The following LRP2 variants were observed in gnomAD, a reference collection of about 807,000 sequenced individuals.
LRP2 encodes the protein LDL receptor related protein 2.
In LRP2, 172 loss-of-function variants were observed where a neutral mutation model predicts 531.0. That is an observed-to-expected ratio of 0.32 (90% CI 0.29 to 0.37). The LOEUF (loss-of-function observed/expected upper bound fraction) is 0.37, where lower values mean the gene tolerates loss of function less well. Among genes scored for constraint, LRP2 ranks in the 10% least tolerant of loss-of-function variants. LRP2 has a pLI of 1.00. For synonymous variants in LRP2, 1,992 were observed against 2,027.6 expected, an observed-to-expected ratio of 0.98 and a Z score of 0.47; for missense variants, 5,167 against 5,868.3, an observed-to-expected ratio of 0.88 and a Z score of 3.90.
intron 63 of LRP2, among the ~76,000 whole-genome samples, chr2:169,158,993 G>C (rs1044051617): frequency 1.6e-4 from 24 of 151,996 alleles, no homozygotes; most frequent in Non-Finnish European, 4.4e-5. Context: ...CCAAGATCTT[G>C]TCTCTACCAA....
intron 68 of LRP2, among the ~76,000 whole-genome samples, chr2:169,147,755 G>T (rs1685969766): frequency 6.6e-6 from 1 of 152,206 alleles, no homozygotes; most frequent in Admixed American, 6.5e-5. Flanking sequence ...GAACAGGTAT[G>T]TAAGATGAAT....
chr2:169,333,720 T>C (rs557823422), intron 1 of LRP2, among the ~76,000 whole-genome samples: 15 of 152,184 alleles, frequency 9.9e-5, no homozygotes, highest in Non-Finnish European at 1.5e-4. Flanking sequence ...CATGGTAGAA[T>C]GACCTTAAAT....
intron 22 of LRP2, among the ~76,000 whole-genome samples, chr2:169,244,404 G>A (rs1689925343): frequency 6.6e-6 from 1 of 152,116 alleles, no homozygotes; most frequent in Non-Finnish European, 1.5e-5. Flanking sequence ...GATAGCTGAG[G>A]GATTTTCACT....
chr2:169,154,623 T>C lies in LRP2; in HGVS notation c.12152-20A>G, dbSNP rs763833921. ...AGCTACCTGTAAACAAACAAAGGGC[T>C]ACTTTATCTGTTTGAATTATACTTT... On this transcript the variant is annotated intron_variant, in intron 65 of 78. Transcript: ENST00000649046. 3 of 1,611,680 alleles carry C rather than the reference T, an allele frequency of 1.9e-6. No homozygotes were observed. The highest frequency in any genetic ancestry group is 2.2e-5 in the South Asian group (2 of 91,036).
At chr2:169,129,841 C>G (rs1396781683) in intron 77 of LRP2, among the ~76,000 whole-genome samples, 1 of 152,182 alleles carries the variant, frequency 6.6e-6, no homozygotes, top group Non-Finnish European at 1.5e-5. Context: ...TGAAAAGTTG[C>G]CTGTCATGCT....
intron 36 of LRP2, 91 bp downstream of exon 36, chr2:169,213,566 G>A: frequency 9.7e-7 from 1 of 1,032,658 alleles, no homozygotes; most frequent in African/African-American, 1.6e-5. Context: ...GTATGTACGT[G>A]AAACTGTGTG....
chr2:169,211,721 T>C (rs1256160849), intron 37 of LRP2, among the ~76,000 whole-genome samples: 1 of 152,174 alleles, frequency 6.6e-6, no homozygotes, highest in Non-Finnish European at 1.5e-5. Flanking sequence ...TCTCTGGCCC[T>C]ACCCTAGACT....
rs149906123 is a variant in LRP2, at chr2:169,209,554, G to A, written c.6368C>T (p.Ala2123Val). The A allele has an allele frequency of 7.4e-6, 12 of 1,613,798 alleles. No homozygotes were observed. The highest frequency in any genetic ancestry group is 2.7e-5 in the African/African-American group (2 of 74,858). ...TCCATCTGGTTTAATTCTACGGATCGCATTATCAGATGCCACTGAGCTGCT... is the reference window on the plus strand; with the variant it reads ...TCCATCTGGTTTAATTCTACGGATCACATTATCAGATGCCACTGAGCTGCT... ...DFSSSVASDN[A>V]IRRIKPDGSS... Residue 2123 changes from alanine (A) to valine (V), a missense_variant, in exon 38 of 79, where the codon GCG (alanine) becomes GTG (valine). Ala to Val is a moderately conservative substitution (Grantham distance 64). Coordinates refer to ENST00000649046, the MANE Select transcript of LRP2 (RefSeq NM_004525.3).
intron 58 of LRP2, among the ~76,000 whole-genome samples, chr2:169,171,440 C>T (rs1419162922): frequency 6.6e-6 from 1 of 152,168 alleles, no homozygotes; most frequent in Non-Finnish European, 1.5e-5. Flanking sequence ...TTTCCTCAAC[C>T]TCCCTATCCA....
intron 7 of LRP2, among the ~76,000 whole-genome samples, chr2:169,291,539 C>T (rs1012098623): frequency 6.6e-6 from 1 of 152,178 alleles, no homozygotes; most frequent in African/African-American, 2.4e-5. Flanking sequence ...AGGTAACTTG[C>T]TGTAGGGTAT....
intron 28 of LRP2, among the ~76,000 whole-genome samples, chr2:169,236,786 A>G (rs12987817): frequency 0.087 from 13,273 of 152,276 alleles, 613 homozygotes; most frequent in Middle Eastern, 0.12. Context: ...TGGCCCCTCT[A>G]TGGACTATTA....
intron 1 of LRP2, among the ~76,000 whole-genome samples, chr2:169,337,218 A>T (rs1337787567): frequency 6.6e-6 from 1 of 152,208 alleles, no homozygotes; most frequent in Non-Finnish European, 1.5e-5. Context: ...TTGCACTTTC[A>T]GCAGAAAACA....
At chr2:169,268,807 C>A (rs1683311494) in intron 16 of LRP2, among the ~76,000 whole-genome samples, 1 of 152,162 alleles carries the variant, frequency 6.6e-6, no homozygotes, top group Non-Finnish European at 1.5e-5. Flanking sequence ...AAGAGGAAGT[C>A]AAATTGTCCC....
Position 169,206,683 on chromosome 2 carries a change from C to T in LRP2, c.7037G>A (p.Cys2346Tyr). Reference protein sequence around the residue: ...RSPAEVNNNPCLENNGGCSHL... With the variant: ...RSPAEVNNNPYLENNGGCSHL... Reference sequence around the variant, plus strand: ...AGAGCACCCACCATTGTTTTCCAAGCAAGGGTTGTTGTTGACCTCTGCTGG... The same window carrying T: ...AGAGCACCCACCATTGTTTTCCAAGTAAGGGTTGTTGTTGACCTCTGCTGG... The change falls in exon 39 of 79, where the codon TGC (cysteine) becomes TAC (tyrosine). Residue 2346 changes from cysteine to tyrosine, a missense_variant. Cys to Tyr is a radical substitution (Grantham distance 194). Around this residue, in one of 6 missense-constraint regions of LRP2, gnomAD observed 2,811 missense variants for 3,058.0 expected, o/e 0.92. Transcript: ENST00000649046. 1 of 1,614,142 alleles carries T rather than the reference C, an allele frequency of 6.2e-7. No homozygotes were observed. The highest frequency in any genetic ancestry group is 1.1e-5 in the South Asian group (1 of 91,074).
At chr2:169,178,149 C>A in intron 52 of LRP2, 123 bp from the exon 53 acceptor site, 1 of 738,928 alleles carries the variant, frequency 1.4e-6, no homozygotes, top group Non-Finnish European at 2.4e-6. Context: ...AAGTTCAGAT[C>A]CTCAAAACTC....
At position 169,226,502 on chromosome 2, in the gene LRP2, C is replaced by T. The variant is rs887600570; in HGVS notation, c.5314G>A (p.Val1772Ile). 6.2e-7 allele frequency: 1 copy of T among 1,612,498 alleles called. No individual in the cohort carries two copies. The change falls in exon 32 of 79, where the codon GTC becomes ATC. Residue 1772 changes from valine (V) to isoleucine (I), a missense_variant. Val to Ile is a conservative substitution (Grantham distance 29). This residue lies in a region of LRP2 where 2,811 missense variants were observed against 3,058.0 expected (regional missense o/e 0.92). Transcript: ENST00000649046. ...NPEVKSNDAM[V>I]PIAGIQNGLD... is the part of the protein sequence containing the mutation. ...CCATTCTGTATCCCTGCTATGGGGA[C>T]CATAGCATCATTGCTCTTCACCTCA...
intron 16 of LRP2, among the ~76,000 whole-genome samples, chr2:169,269,815 G>A (rs1365323457): frequency 6.6e-6 from 1 of 152,088 alleles, no homozygotes; most frequent in African/African-American, 2.4e-5. Context: ...AGAGTGAACA[G>A]GCAACCTACA....
intron 69 of LRP2, among the ~76,000 whole-genome samples, chr2:169,146,279 A>G (rs1336451072): frequency 2.0e-5 from 3 of 152,208 alleles, no homozygotes; most frequent in African/African-American, 7.2e-5. Context: ...ACCAAATAGG[A>G]AAAATGTGAT....
At chr2:169,268,345 G>T (rs902902767) in intron 16 of LRP2, among the ~76,000 whole-genome samples, 1 of 152,160 alleles carries the variant, frequency 6.6e-6, no homozygotes, top group Non-Finnish European at 1.5e-5. Flanking sequence ...GAACATTGAT[G>T]CAAAAATCCT....
Sources: allele counts gnomAD v4.1 joint callset (sites outside exome capture counted in the v4.1 genomes callset), GRCh38; gene constraint gnomAD v4.1.1; regional missense constraint gnomAD v4.1.1; transcripts MANE v1.5; gene names NCBI Gene and HGNC (gene_info 2026-07-23, HGNC 2026-07-21).